PTPRD: variants seen among roughly 807,000 people sequenced by gnomAD.
PTPRD encodes protein tyrosine phosphatase receptor type D, also known as receptor-type tyrosine-protein phosphatase delta.
PTPRD carries 34 observed loss-of-function variants against 214.5 expected under a neutral mutation model. The ratio of observed to expected loss-of-function variants is 0.16; its 90% CI spans 0.12 to 0.21. PTPRD has a LOEUF of 0.21. Ranked by LOEUF, PTPRD falls within the 10% of genes least tolerant of loss-of-function variation. The pLI, the probability that PTPRD is intolerant of heterozygous loss-of-function variation, is 1.00. For missense variants in PTPRD, 2,545 were observed against 2,398.7 expected (o/e 1.06, Z -1.27); for synonymous variants, 1,128 against 845.7 (o/e 1.33, Z -5.79).
chr9:8,984,158 G>C (rs891615422), intron 11 of PTPRD, among the ~76,000 whole-genome samples: 2 of 151,818 alleles, frequency 1.3e-5, no homozygotes, highest in African/African-American at 4.8e-5. Context: ...ACAATACAAA[G>C]ACATGTAATT....
At chr9:9,058,603 C>A (rs2099701182) in intron 10 of PTPRD, among the ~76,000 whole-genome samples, 2 of 150,930 alleles carry the variant, frequency 1.3e-5, no homozygotes, top group South Asian at 4.3e-4. Context: ...GCTCCCGCCA[C>A]CTCGCCCGGC....
At chr9:10,360,721 T>A (rs774380162) in intron 2 of PTPRD, among the ~76,000 whole-genome samples, 2 of 152,218 alleles carry the variant, frequency 1.3e-5, no homozygotes, top group Non-Finnish European at 2.9e-5. Context: ...TAATGATATT[T>A]ACTGTATTAA....
intron 11 of PTPRD, among the ~76,000 whole-genome samples, chr9:8,936,461 A>G (rs1487365340): frequency 6.7e-6 from 1 of 148,298 alleles, no homozygotes; most frequent in East Asian, 2.0e-4. Context: ...GAAGATGAAA[A>G]ATAACTTCAT....
intron 7 of PTPRD, among the ~76,000 whole-genome samples, chr9:9,726,493 G>T (rs2098094418): frequency 6.6e-6 from 1 of 152,088 alleles, no homozygotes; most frequent in Non-Finnish European, 1.5e-5. Flanking sequence ...ATTGTTCAGT[G>T]CTTTAGGAAG....
At chr9:10,412,160 A>C (rs1430276468) in intron 2 of PTPRD, among the ~76,000 whole-genome samples, 1 of 151,784 alleles carries the variant, frequency 6.6e-6, no homozygotes, top group African/African-American at 2.4e-5. Context: ...CTAATTCCTC[A>C]ACTTAACATA....
Position 8,319,871 on chromosome 9 carries a change from T to G in PTPRD, c.5630A>C (p.Lys1877Thr). The G allele has an allele frequency of 1.2e-6, 2 of 1,613,216 alleles. No homozygotes were observed. Among genetic ancestry groups the G allele is most frequent in the South Asian group, 2.2e-5 (2 of 91,052 alleles). Residue 1877 changes from lysine to threonine, a missense_variant, in exon 45 of 46, where the codon AAA (lysine) becomes ACA (threonine). By Grantham distance (78) the Lys-to-Thr change is moderately conservative (BLOSUM62 -1). Coordinates refer to ENST00000381196, the MANE Select transcript of PTPRD (RefSeq NM_002839.4). The stretch of plus-strand genomic sequence containing the variant: ...AGCTGGTCGTTGTGTTCTTAACATT[T>G]TGACAGTCTGGAAGATATCTACAAC... Reference protein sequence around the residue: ...EGVVDIFQTVKMLRTQRPAMV... With the variant: ...EGVVDIFQTVTMLRTQRPAMV...
At chr9:9,139,432 T>C (rs1422234747) in intron 10 of PTPRD, among the ~76,000 whole-genome samples, 1 of 152,204 alleles carries the variant, frequency 6.6e-6, no homozygotes, top group Non-Finnish European at 1.5e-5. Flanking sequence ...ATCCCTATGA[T>C]AGAGTTTAAT....
intron 2 of PTPRD, among the ~76,000 whole-genome samples, chr9:10,492,101 T>C (rs2040480633): frequency 1.3e-5 from 2 of 152,206 alleles, no homozygotes; most frequent in Admixed American, 1.3e-4. Flanking sequence ...ATTGTCTTTA[T>C]CCAGTCTATC....
At chr9:9,727,431 C>A (rs1182090331) in intron 7 of PTPRD, among the ~76,000 whole-genome samples, 3 of 152,020 alleles carry the variant, frequency 2.0e-5, no homozygotes, top group African/African-American at 4.8e-5. Context: ...GCCTGGATAA[C>A]CAGAGTGAGA....
chr9:8,460,192 T>C (rs905250270), intron 33 of PTPRD: 1 of 597,606 alleles, frequency 1.7e-6, no homozygotes. Flanking sequence ...TAGATGCATG[T>C]TGGACAACAG....
intron 2 of PTPRD, among the ~76,000 whole-genome samples, chr9:10,610,505 TTAAG>T (rs35573054): frequency 0.05 from 6,194 of 123,146 alleles, 189 homozygotes; most frequent in East Asian, 0.2. Flanking sequence ...TTTTCAATAA[TTAAG>T]TTTTTTTTTT....
chr9:9,973,372 T>G (rs903685512), intron 4 of PTPRD, among the ~76,000 whole-genome samples: 2 of 151,836 alleles, frequency 1.3e-5, no homozygotes, highest in South Asian at 4.2e-4. Context: ...CTTGGAAGGC[T>G]GAAGCCGGAG....
chr9:9,590,891 C>T (rs2154327038), intron 7 of PTPRD, among the ~76,000 whole-genome samples: 1 of 152,050 alleles, frequency 6.6e-6, no homozygotes, highest in South Asian at 2.1e-4. Context: ...AAGTCATTTG[C>T]TTTGGGTATT....
intron 3 of PTPRD, among the ~76,000 whole-genome samples, chr9:10,060,900 CTTTCTTTCTTT>C (rs2097762369): frequency 2.7e-5 from 1 of 37,346 alleles, no homozygotes; most frequent in African/African-American, 2.4e-4. Context: ...TTCCTTCCTT[CTTTCTTTCTTT>C]CTTTCTTTCT....
chr9:9,385,885 G>A (rs1349964873), intron 9 of PTPRD, among the ~76,000 whole-genome samples: 1 of 152,074 alleles, frequency 6.6e-6, no homozygotes, highest in Non-Finnish European at 1.5e-5. Context: ...GCCTAACTAT[G>A]ACTCCAGTCT....
chr9:8,400,927 C>A (rs2092290281), intron 36 of PTPRD, among the ~76,000 whole-genome samples: 1 of 152,112 alleles, frequency 6.6e-6, no homozygotes, highest in Non-Finnish European at 1.5e-5. Context: ...ACTAAGAAAA[C>A]TGATATTCAG....
chr9:9,689,437 A>T (rs2097223552), intron 7 of PTPRD, among the ~76,000 whole-genome samples: 1 of 151,952 alleles, frequency 6.6e-6, no homozygotes, highest in Non-Finnish European at 1.5e-5. Flanking sequence ...ATGCATTTAT[A>T]TAACATGTAA....
At chr9:10,341,540 C>T (rs10809071) in intron 2 of PTPRD, among the ~76,000 whole-genome samples, 58,585 of 151,688 alleles carry the variant, frequency 0.39, 12,697 homozygotes, top group African/African-American at 0.57. Context: ...TATGTCTTCA[C>T]ACTTTCAATA....
At chr9:8,491,018 T>A (rs375129185) in intron 27 of PTPRD, among the ~76,000 whole-genome samples, 1 of 152,228 alleles carries the variant, frequency 6.6e-6, no homozygotes, top group Non-Finnish European at 1.5e-5. Context: ...AACAAATTGA[T>A]ATATTCACTA....
Sources: allele counts gnomAD v4.1 joint callset (sites outside exome capture counted in the v4.1 genomes callset), GRCh38; gene constraint gnomAD v4.1.1; transcripts MANE v1.5; gene names NCBI Gene and HGNC (gene_info 2026-07-23, HGNC 2026-07-21).